The following PCLO variants were observed in gnomAD, a reference collection of about 807,000 sequenced individuals.
The protein encoded by PCLO is protein piccolo.
Under a neutral mutation model 427.5 loss-of-function variants are expected in PCLO, and 82 were observed. That is an observed-to-expected ratio of 0.19 (90% CI 0.16 to 0.23). The LOEUF (loss-of-function observed/expected upper bound fraction) is 0.23, where lower values mean the gene tolerates loss of function less well. Among genes scored for constraint, PCLO ranks in the 10% least tolerant of loss-of-function variants. The pLI is 1.00. For missense variants in PCLO, 6,239 were observed against 6,115.9 expected (o/e 1.02, Z -0.67); for synonymous variants, 2,357 against 2,155.4 (o/e 1.09, Z -2.59).
intron 3 of PCLO, among the ~76,000 whole-genome samples, chr7:82,976,913 T>C (rs532972309): frequency 2.6e-5 from 4 of 152,316 alleles, no homozygotes; most frequent in South Asian, 4.1e-4. Flanking sequence ...TTTGTAGAGA[T>C]AGGATCTCGC....
At chr7:83,026,808 A>G (rs1369152628) in intron 3 of PCLO, among the ~76,000 whole-genome samples, 3 of 148,876 alleles carry the variant, frequency 2.0e-5, no homozygotes, top group Admixed American at 2.0e-4. Context: ...ATCTCACTCA[A>G]AACCGCTCAA....
intron 10 of PCLO, among the ~76,000 whole-genome samples, chr7:82,861,373 C>T (rs12707525): frequency 0.26 from 39,048 of 151,748 alleles, 5,347 homozygotes; most frequent in Middle Eastern, 0.31. Flanking sequence ...AAAGTAGATT[C>T]CAAGACAAAA....
At chr7:82,770,416 G>A (rs1011245996) in intron 22 of PCLO, among the ~76,000 whole-genome samples, 5 of 151,892 alleles carry the variant, frequency 3.3e-5, no homozygotes, top group African/African-American at 4.8e-5. Context: ...TTTTGATGCA[G>A]TGGAAGACCA....
At chr7:83,003,624 T>C (rs962001798) in intron 3 of PCLO, among the ~76,000 whole-genome samples, 1 of 151,964 alleles carries the variant, frequency 6.6e-6, no homozygotes, top group African/African-American at 2.4e-5. Context: ...ATCCTTCCTC[T>C]ATTAATGTGG....
Position 83,154,754 on chromosome 7 carries a change from T to G in PCLO, c.1887A>C (p.Leu629Phe). ...SLCGFNPNPHLTEVKEWLCLN... is the reference protein window; with the variant it reads ...SLCGFNPNPHFTEVKEWLCLN... ...AGTGAATAAATGCACTTACCTCCGT[T>G]AAATGAGGATTGGGATTAAAACCAC... The change falls in exon 2 of 25, where the codon TTA (leucine) becomes TTC (phenylalanine). Residue 629 changes from leucine (L) to phenylalanine (F), a missense_variant. Leu to Phe is a conservative substitution (Grantham distance 22). This residue lies in a region of PCLO where 4,677 missense variants were observed against 4,468.4 expected (regional missense o/e 1.05). Transcript: ENST00000333891. 6.2e-7 allele frequency: 1 copy of G among 1,612,710 alleles called. No individual in the cohort carries two copies.
At chr7:83,030,091 C>T (rs1169608169) in intron 3 of PCLO, among the ~76,000 whole-genome samples, 10 of 144,764 alleles carry the variant, frequency 6.9e-5, no homozygotes, top group Non-Finnish European at 1.1e-4. Flanking sequence ...TGCACATGTA[C>T]CCTAAAACTT....
chr7:82,954,337 T>A lies in PCLO; in HGVS notation c.6616A>T (p.Ile2206Leu). 6.2e-7 allele frequency: 1 copy of A among 1,613,886 alleles called. No individual in the cohort carries two copies. Among genetic ancestry groups the A allele is most frequent in the Non-Finnish European group, 8.5e-7 (1 of 1,179,790 alleles). Residue 2206 changes from isoleucine to leucine, a missense_variant, in exon 5 of 25, where the codon ATA becomes TTA. By Grantham distance (5) the Ile-to-Leu change is conservative. Around this residue, in one of 5 missense-constraint regions of PCLO, gnomAD observed 4,677 missense variants for 4,468.4 expected, o/e 1.05. Coordinates refer to ENST00000333891, the MANE Select transcript of PCLO (RefSeq NM_033026.6). ...ACTGGCTCTGTATAAACTGTGGTTATGCTATCCAGGGTAGTAATGGGTGAA... is the reference window on the plus strand; with the variant it reads ...ACTGGCTCTGTATAAACTGTGGTTAAGCTATCCAGGGTAGTAATGGGTGAA... The part of the protein sequence containing the change: ...SSSPITTLDS[I>L]TTVYTEPVDM...
intron 3 of PCLO, among the ~76,000 whole-genome samples, chr7:83,095,968 C>A (rs975726): frequency 0.36 from 54,728 of 151,772 alleles, 10,722 homozygotes; most frequent in East Asian, 0.64. Flanking sequence ...TAATTTTTTT[C>A]TCTCCATAAA....
At chr7:82,761,572 T>G in intron 22 of PCLO, 79 bp from the exon 23 acceptor site, 1 of 1,016,108 alleles carries the variant, frequency 9.8e-7, no homozygotes, top group Non-Finnish European at 1.5e-6. Flanking sequence ...CATTCATACA[T>G]TCATTTACTC....
intron 3 of PCLO, among the ~76,000 whole-genome samples, chr7:82,975,537 G>A (rs1795997810): frequency 6.6e-6 from 1 of 152,210 alleles, no homozygotes; most frequent in African/African-American, 2.4e-5. Flanking sequence ...CTCCTGTGAT[G>A]TGGTAGAACA....
At chr7:83,093,195 G>A (rs1790425737) in intron 3 of PCLO, among the ~76,000 whole-genome samples, 1 of 151,432 alleles carries the variant, frequency 6.6e-6, no homozygotes, top group Non-Finnish European at 1.5e-5. Context: ...CAAATTATCA[G>A]TATGAAATCA....
At chr7:82,807,211 C>T (rs535513770) in intron 20 of PCLO, among the ~76,000 whole-genome samples, 1 of 148,818 alleles carries the variant, frequency 6.7e-6, no homozygotes, top group Non-Finnish European at 1.5e-5. Context: ...CTGTCAACAG[C>T]TGTTTCTTAC....
intron 22 of PCLO, among the ~76,000 whole-genome samples, chr7:82,781,542 T>C (rs1790873813): frequency 1.3e-5 from 2 of 150,890 alleles, no homozygotes; most frequent in Non-Finnish European, 3.0e-5. Flanking sequence ...CTAATGCATG[T>C]AATTACATTT....
rs1326042308 is a variant in PCLO, at chr7:82,831,292, A to G, written c.14250-3326T>C. 3.9e-5 allele frequency among the ~76,000 whole-genome samples: 6 copies of G among 152,146 alleles called. No individual in the cohort carries two copies. In the East Asian group the frequency reaches 1.2e-3, roughly 29 times the overall value. ...AGGTAATTTGATTTCTTGCTTTTAA[A>G]TAAATGTTATATGAACTCAATTGAT... On this transcript the variant is annotated intron_variant, in intron 16 of 24. Coordinates refer to ENST00000333891, the MANE Select transcript of PCLO (RefSeq NM_033026.6).
chr7:82,884,256 G>A (rs1793578321), intron 9 of PCLO, among the ~76,000 whole-genome samples: 1 of 152,120 alleles, frequency 6.6e-6, no homozygotes, highest in African/African-American at 2.4e-5. Context: ...TATATTGCAT[G>A]AGATGAGTCC....
intron 3 of PCLO, among the ~76,000 whole-genome samples, chr7:83,058,459 G>A (rs564006266): frequency 1.2e-4 from 18 of 152,142 alleles, no homozygotes; most frequent in South Asian, 4.1e-4. Flanking sequence ...CATACAGTCT[G>A]ACATCAATAT....
At chr7:83,137,988 C>T (rs1019109331) in intron 2 of PCLO, among the ~76,000 whole-genome samples, 4 of 152,134 alleles carry the variant, frequency 2.6e-5, no homozygotes, top group African/African-American at 9.7e-5. Flanking sequence ...TATGCATCTA[C>T]CCACTCACTC....
At chr7:83,020,657 C>A (rs1372305480) in intron 3 of PCLO, among the ~76,000 whole-genome samples, 1 of 152,124 alleles carries the variant, frequency 6.6e-6, no homozygotes, top group Admixed American at 6.6e-5. Context: ...TAAGAATAAA[C>A]TTCTGTTGTT....
intron 2 of PCLO, among the ~76,000 whole-genome samples, chr7:83,136,229 T>C (rs1791726140): frequency 6.6e-6 from 1 of 152,174 alleles, no homozygotes; most frequent in Non-Finnish European, 1.5e-5. Flanking sequence ...GCCTTTGATT[T>C]ACTTAAATTT....
Sources: gnomAD v4.1 joint callset for allele counts (sites outside exome capture counted in the v4.1 genomes callset) on GRCh38, gnomAD v4.1.1 for gene constraint, gnomAD v4.1.1 regional missense constraint, MANE v1.5 for transcripts, NCBI Gene and HGNC (gene_info 2026-07-23, HGNC 2026-07-21) for gene names.